Variants in ABLIM1 observed in about 807,000 individuals in gnomAD.
The protein encoded by ABLIM1 is actin binding LIM protein 1.
Under a neutral mutation model 107.0 loss-of-function variants are expected in ABLIM1, and 40 were observed. The ratio of observed to expected loss-of-function variants is 0.37; its 90% confidence interval spans 0.29 to 0.49. The LOEUF (loss-of-function observed/expected upper bound fraction) is 0.49. Among genes scored for constraint, ABLIM1 ranks in the 20% least tolerant of loss-of-function variants. The pLI is 0.97. For synonymous variants in ABLIM1, 357 were observed against 357.3 expected (o/e 1.00, Z 0.01); for missense variants, 857 against 1,008.5 (o/e 0.85, Z 2.04).
intron 2 of ABLIM1, among the ~76,000 whole-genome samples, chr10:114,588,529 C>T (rs1233619893): frequency 2.9e-5 from 3 of 103,456 alleles, no homozygotes; most frequent in African/African-American, 3.9e-5. Context: ...GAGTCTTGCT[C>T]TGTCTCCCAG....
At chr10:114,712,081 G>A (rs531489663) in intron 1 of ABLIM1, among the ~76,000 whole-genome samples, 34 of 152,066 alleles carry the variant, frequency 2.2e-4, no homozygotes, top group Non-Finnish European at 2.9e-4. Flanking sequence ...GGCTGGGCTC[G>A]GTGACTCACA....
chr10:114,679,667 C>T (rs2080657897), intron 1 of ABLIM1, among the ~76,000 whole-genome samples: 1 of 149,254 alleles, frequency 6.7e-6, no homozygotes, highest in South Asian at 2.1e-4. Context: ...ATATCTTAAA[C>T]CTTTTAATAA....
chr10:114,497,480 C>T (rs1441345257), intron 6 of ABLIM1, among the ~76,000 whole-genome samples: 1 of 151,704 alleles, frequency 6.6e-6, no homozygotes, highest in African/African-American at 2.4e-5. Flanking sequence ...GAGATCGAGA[C>T]CATCCTGGTC....
chr10:114,652,062 T>C (rs17092213), intron 1 of ABLIM1, among the ~76,000 whole-genome samples: 12,437 of 152,238 alleles, frequency 0.082, 990 homozygotes, highest in East Asian at 0.45. Flanking sequence ...ATGTATTTTT[T>C]ATGGCTAGCT....
intron 6 of ABLIM1, among the ~76,000 whole-genome samples, chr10:114,498,573 G>C (rs1016241771): frequency 6.6e-6 from 1 of 152,168 alleles, no homozygotes; most frequent in South Asian, 2.1e-4. Flanking sequence ...CATTTCTCTA[G>C]GAGTGCTCTA....
At chr10:114,529,478 T>G (rs975868571) in intron 6 of ABLIM1, among the ~76,000 whole-genome samples, 1 of 152,180 alleles carries the variant, frequency 6.6e-6, no homozygotes, top group Non-Finnish European at 1.5e-5. Context: ...TTTTTGGATT[T>G]TATTTATTTA....
chr10:114,659,660 T>C (rs1019710269), upstream of ABLIM1, among the ~76,000 whole-genome samples: 1 of 152,236 alleles, frequency 6.6e-6, no homozygotes, highest in African/African-American at 2.4e-5. Flanking sequence ...TACATATGCA[T>C]ACATGTGCCA....
chr10:114,711,053 A>G (rs2081537449), intron 1 of ABLIM1, among the ~76,000 whole-genome samples: 1 of 152,238 alleles, frequency 6.6e-6, no homozygotes, highest in Non-Finnish European at 1.5e-5. Flanking sequence ...TGTTCAGGAT[A>G]TTCCTACTCT....
chr10:114,610,417 T>C (rs2076728677), intron 1 of ABLIM1, among the ~76,000 whole-genome samples: 1 of 152,182 alleles, frequency 6.6e-6, no homozygotes, highest in African/African-American at 2.4e-5. Context: ...CATGGCAGTC[T>C]ACGTTTGAGA....
At chr10:114,605,557 C>T (rs2483589) in intron 1 of ABLIM1, among the ~76,000 whole-genome samples, 124,567 of 152,098 alleles carry the variant, frequency 0.82, 52,291 homozygotes, top group East Asian at 1. Flanking sequence ...GCACTTTCCA[C>T]TGTACTGACT....
chr10:114,771,625 G>C (rs1297649665), upstream of ABLIM1, among the ~76,000 whole-genome samples: 1 of 152,156 alleles, frequency 6.6e-6, no homozygotes, highest in African/African-American at 2.4e-5. Context: ...AACCAAGTTT[G>C]TTAATGGCTT....
At chr10:114,520,215 C>T (rs115901348) in intron 6 of ABLIM1, among the ~76,000 whole-genome samples, 52 of 152,328 alleles carry the variant, frequency 3.4e-4, no homozygotes, top group African/African-American at 1.2e-3. Context: ...GTCACAGCTC[C>T]AAGCCAGCTT....
At chr10:114,451,570 G>T in intron 14 of ABLIM1, 54 bp downstream of exon 14, 1 of 1,512,162 alleles carries the variant, frequency 6.6e-7, no homozygotes, top group Non-Finnish European at 9.2e-7. Flanking sequence ...ACAGCAAGGA[G>T]AAGTTCAGCT....
At chr10:114,507,179 A>G (rs1262888504) in intron 6 of ABLIM1, among the ~76,000 whole-genome samples, 10 of 151,892 alleles carry the variant, frequency 6.6e-5, no homozygotes, top group African/African-American at 2.4e-4. Context: ...TTCCTCTCCT[A>G]TTGTGGCTGG....
chr10:114,724,529 C>T (rs1216005108), intron 1 of ABLIM1, among the ~76,000 whole-genome samples: 1 of 152,124 alleles, frequency 6.6e-6, no homozygotes, highest in Non-Finnish European at 1.5e-5. Context: ...TGAGAGTCAC[C>T]CTGTCTTGCC....
intron 4 of ABLIM1, among the ~76,000 whole-genome samples, chr10:114,548,626 T>G (rs548962853): frequency 1.1e-4 from 16 of 152,364 alleles, no homozygotes; most frequent in African/African-American, 3.8e-4. Flanking sequence ...ACAATTGCCA[T>G]AATTAATCTG....
chr10:114,686,938 C>T (rs1363503348), upstream of ABLIM1, among the ~76,000 whole-genome samples: 1 of 152,104 alleles, frequency 6.6e-6, no homozygotes, highest in Non-Finnish European at 1.5e-5. Context: ...CAAACAACCA[C>T]TTTCTAATTA....
intron 1 of ABLIM1, among the ~76,000 whole-genome samples, chr10:114,691,521 T>G (rs2081078954): frequency 6.6e-6 from 1 of 152,210 alleles, no homozygotes; most frequent in African/African-American, 2.4e-5. Context: ...ATGCATGCTG[T>G]ATTCCCTGCA....
chr10:114,569,682 C>T (rs1377975302), intron 4 of ABLIM1, among the ~76,000 whole-genome samples: 1 of 152,146 alleles, frequency 6.6e-6, no homozygotes, highest in Non-Finnish European at 1.5e-5. Flanking sequence ...AATGGGGTGA[C>T]AATTCCCACT....
Sources: allele counts gnomAD v4.1 joint callset (sites outside exome capture counted in the v4.1 genomes callset), GRCh38; gene constraint gnomAD v4.1.1; transcripts MANE v1.5; gene names NCBI Gene and HGNC (gene_info 2026-07-23, HGNC 2026-07-21).